Variants in MYH15 observed in about 807,000 individuals in gnomAD.
MYH15 encodes myosin-15.
Under a neutral mutation model 240.5 loss-of-function variants are expected in MYH15, and 227 were observed. That is an observed-to-expected ratio of 0.94 (90% CI 0.85 to 1.05). The LOEUF (loss-of-function observed/expected upper bound fraction) is 1.05. Ranked by LOEUF, MYH15 falls within the 50% of genes least tolerant of loss-of-function variation. The pLI, the probability that MYH15 is intolerant of heterozygous loss-of-function variation, is 0.00. For missense variants in MYH15, 2,217 were observed against 2,247.5 expected (o/e 0.99, Z 0.27); for synonymous variants, 785 against 796.7 (o/e 0.99, Z 0.25).
chr3:108,469,408 T>C (rs1371387767), intron 14 of MYH15, among the ~76,000 whole-genome samples: 1 of 152,196 alleles, frequency 6.6e-6, no homozygotes, highest in Non-Finnish European at 1.5e-5. Context: ...GGACCATACG[T>C]AATCCCCCAG....
chr3:108,416,110 CAA>C (rs1442558322), intron 29 of MYH15, among the ~76,000 whole-genome samples: 2 of 152,044 alleles, frequency 1.3e-5, no homozygotes, highest in African/African-American at 4.8e-5. Flanking sequence ...GATGCACAAA[CAA>C]TGATACATTT....
At chr3:108,503,274 A>G (rs1388634106) in intron 2 of MYH15, among the ~76,000 whole-genome samples, 2 of 152,192 alleles carry the variant, frequency 1.3e-5, no homozygotes, top group East Asian at 3.8e-4. Context: ...TTGAAGGGAC[A>G]GTAGTTTGTT....
chr3:108,443,470 T>C (rs2082900902), intron 22 of MYH15, among the ~76,000 whole-genome samples: 1 of 152,150 alleles, frequency 6.6e-6, no homozygotes, highest in African/African-American at 2.4e-5. Flanking sequence ...GCAAGATAAA[T>C]TATATTTGAA....
Position 108,463,995 on chromosome 3 carries a change from T to A in MYH15, c.1731+643A>T, listed in dbSNP as rs201727091. Among the ~76,000 whole-genome samples, 7 of 152,312 alleles carry A rather than the reference T, an allele frequency of 4.6e-5. No homozygotes were observed. In the East Asian group the frequency reaches 1.3e-3, roughly 29 times the overall value. ...ACCAGCAATTGCAATGGTATTTTAC[T>A]GTATATATCATTATAATTAATATGC... is the stretch of plus-strand genomic sequence containing the variant. On this transcript the variant is annotated intron_variant, in intron 15 of 40. Coordinates refer to ENST00000693548, the MANE Select transcript of MYH15 (RefSeq NM_014981.3).
chr3:108,437,185 A>ATTTTT, intron 25 of MYH15, among the ~76,000 whole-genome samples: 1 of 142,504 alleles, frequency 7.0e-6, no homozygotes, highest in Non-Finnish European at 1.5e-5. Context: ...ATCAGGATCA[A>ATTTTT]TTTTTTTTTT....
intron 23 of MYH15, 67 bp from the exon 24 acceptor site, chr3:108,439,980 A>AT: frequency 7.3e-7 from 1 of 1,370,642 alleles, no homozygotes; most frequent in Non-Finnish European, 9.7e-7. Flanking sequence ...ACTGAGGGTC[A>AT]TTTCTCTTCT....
Position 108,505,752 on chromosome 3 carries a change from T to G in MYH15, c.166A>C (p.Thr56Pro). The change falls in exon 2 of 41, where the codon ACA (threonine) becomes CCA (proline). Residue 56 changes from threonine (T) to proline (P), a missense_variant. Transcript: ENST00000693548. ...CCATCTGCTGTCTCAACAATTACTG[T>G]TCCATCATCTTCACTCCCTTTTACC... ...AEVKGSEDDG[T>P]VIVETADGES... 1.2e-6 allele frequency: 2 copies of G among 1,612,694 alleles called. No individual in the cohort carries two copies. The highest frequency in any genetic ancestry group is 1.7e-6 in the Non-Finnish European group (2 of 1,179,352).
At position 108,410,717 on chromosome 3, in the gene MYH15, T is replaced by C. The variant is rs755940003; in HGVS notation, c.4361A>G (p.Glu1454Gly). ...AGAGGCATCCAGCAACGCCTGGGAC[T>C]CCTCGTGCTTCTGCTTCCAGTCGGC... is the stretch of plus-strand genomic sequence containing the variant. ...ALADWKQKHE[E>G]SQALLDASQK... The change falls in exon 31 of 41, where the codon GAG (glutamate) becomes GGG (glycine). Residue 1454 changes from glutamate (E) to glycine (G), a missense_variant. Transcript: ENST00000693548. The C allele has an allele frequency of 2.3e-5, 37 of 1,614,080 alleles. No homozygotes were observed. In the South Asian group the frequency reaches 4.0e-4, roughly 17 times the overall value.
rs1293586183 is a variant in MYH15, at chr3:108,435,759, A to AT, written c.3221+1794dup. On this transcript the variant is annotated intron_variant, in intron 25 of 40. Transcript: ENST00000693548. The stretch of plus-strand genomic sequence containing the variant: ...GAATGTATGTATGTGTGTGTTTGGG[A>AT]TTTTTTTTCATTTTTAAGTTTATTT... Among the ~76,000 whole-genome samples, 6 of 139,486 alleles carry AT rather than the reference A, an allele frequency of 4.3e-5. No individual in the cohort carries two copies. The South Asian group carries it at 6.8e-4, about 16-fold the overall frequency. 91.5% of individuals were successfully genotyped at this position (139,486 alleles called of 152,430 possible).
At chr3:108,547,080 C>CAT in the MYH15 span, among the ~76,000 whole-genome samples, 3,547 of 148,822 alleles carry the variant, frequency 0.024, 116 homozygotes, top group African/African-American at 0.073. Flanking sequence ...AAAAATAGGC[C>CAT]ATATATATAT....
chr3:108,455,829 T>C lies in MYH15; in HGVS notation c.2169A>G (p.Pro723=), dbSNP rs780913023. Residue 723 remains proline, a synonymous_variant, in exon 20 of 41, where the codon CCA becomes CCG. Transcript: ENST00000693548. ...RYCILNPRTF[P]KSKFVSSRKA... ...TTCTGCTGCTCACAAACTTGCTCTT[T>C]GGAAAGGTCCTTGGATTCAGAATGC... 1.2e-6 allele frequency: 2 copies of C among 1,613,312 alleles called. No individual in the cohort carries two copies. The highest frequency in any genetic ancestry group is 2.2e-5 in the East Asian group (1 of 44,852).
intron 35 of MYH15, among the ~76,000 whole-genome samples, chr3:108,395,093 C>G (rs2082449863): frequency 6.6e-6 from 1 of 151,970 alleles, no homozygotes; most frequent in South Asian, 2.1e-4. Context: ...TGGTGAAACC[C>G]CGTCTCTACC....
Position 108,439,818 on chromosome 3 carries a change from G to A in MYH15, c.2994C>T (p.Thr998=). The change falls in exon 24 of 41, where the codon ACC becomes ACT. Residue 998 remains threonine, a synonymous_variant. Coordinates refer to ENST00000693548, the MANE Select transcript of MYH15 (RefSeq NM_014981.3). The part of the protein sequence containing the change: ...AKVVQEAHQQ[T]LDDLHMEEEK... The stretch of plus-strand genomic sequence containing the variant: ...CCTCCTCCATGTGCAGGTCATCCAG[G>A]GTCTGCTGATGGGCCTCCTGCACAA... 6.2e-7 allele frequency: 1 copy of A among 1,613,228 alleles called. No individual in the cohort carries two copies. The highest frequency in any genetic ancestry group is 8.5e-7 in the Non-Finnish European group (1 of 1,179,640).
chr3:108,500,036 C>A, intron 4 of MYH15, 82 bp downstream of exon 4: 1 of 1,445,468 alleles, frequency 6.9e-7, no homozygotes, highest in Non-Finnish European at 9.3e-7. Flanking sequence ...GCTCTGCTCA[C>A]AATGCCTAAG....
Position 108,428,897 on chromosome 3 carries a change from AT to A in MYH15, c.3313-17del. On this transcript the variant is annotated splice_polypyrimidine_tract_variant and intron_variant, in intron 26 of 40. Coordinates refer to ENST00000693548, the MANE Select transcript of MYH15 (RefSeq NM_014981.3). ...TTATTTGAGTCTGTAGCAAGAAATA[AT>A]TTTGACTTTTACTAAGCACTTGTAG... 1 of 1,580,330 alleles carries A rather than the reference AT, an allele frequency of 6.3e-7. No homozygotes were observed. Among genetic ancestry groups the A allele is most frequent in the South Asian group, 1.2e-5 (1 of 84,572 alleles).
the MYH15 span, among the ~76,000 whole-genome samples, chr3:108,542,629 C>G: frequency 6.6e-6 from 1 of 152,122 alleles, no homozygotes; most frequent in Admixed American, 6.6e-5. Context: ...ACATGGTGTG[C>G]TGCACAGATC....
At chr3:108,526,194 C>A (rs2107274165) in intron 1 of MYH15, among the ~76,000 whole-genome samples, 1 of 152,238 alleles carries the variant, frequency 6.6e-6, no homozygotes, top group Middle Eastern at 3.4e-3. Context: ...ACTCACCATG[C>A]AGCACTTTAT....
Position 108,439,752 on chromosome 3 carries a change from T to C in MYH15, c.3060A>G (p.Glu1020=). Residue 1020 remains glutamate (E), a synonymous_variant, in exon 24 of 41, where the codon GAA becomes GAG. Coordinates refer to ENST00000693548, the MANE Select transcript of MYH15 (RefSeq NM_014981.3). ...CGTTACTGACCTCATCAACTTGCTG[T>C]TCCAGCTTCAGATTTGCTTTGCTCA... is the stretch of plus-strand genomic sequence containing the variant. The part of the protein sequence containing the change: ...SSLSKANLKL[E]QQVDELEGAL... 2 of 1,604,220 alleles carry C rather than the reference T, an allele frequency of 1.2e-6. No homozygotes were observed. The highest frequency in any genetic ancestry group is 1.7e-6 in the Non-Finnish European group (2 of 1,175,778).
At chr3:108,418,989 G>A (rs538501967) in intron 28 of MYH15, among the ~76,000 whole-genome samples, 24 of 152,276 alleles carry the variant, frequency 1.6e-4, no homozygotes, top group Non-Finnish European at 1.0e-4. Context: ...CTTGCCTCAA[G>A]TGATCCGCCT....
Sources: allele counts gnomAD v4.1 joint callset (sites outside exome capture counted in the v4.1 genomes callset), GRCh38; gene constraint gnomAD v4.1.1; transcripts MANE v1.5; gene names NCBI Gene and HGNC (gene_info 2026-07-23, HGNC 2026-07-21).